DST: variants seen among roughly 807,000 people sequenced by gnomAD.
DST encodes the protein dystonin.
In DST, 253 loss-of-function variants were observed where a neutral mutation model predicts 875.2. That is an observed-to-expected ratio of 0.29 (90% CI 0.26 to 0.32). DST has a LOEUF of 0.32. Ranked by LOEUF, DST falls within the 10% of genes least tolerant of loss-of-function variation. The probability of loss-of-function intolerance (pLI) is 1.00; values close to 1 mark genes in which losing one functional copy is unlikely to be tolerated. For missense variants in DST, 8,287 were observed against 9,111.6 expected (o/e 0.91, Z 3.68); for synonymous variants, 3,124 against 3,197.1 (o/e 0.98, Z 0.77).
intron 48 of DST, among the ~76,000 whole-genome samples, chr6:56,593,245 G>T (rs2098312787): frequency 2.0e-5 from 3 of 152,172 alleles, no homozygotes; most frequent in Admixed American, 2.0e-4. Flanking sequence ...GCTGGGCACT[G>T]TGGCTCATGC....
intron 5 of DST, among the ~76,000 whole-genome samples, chr6:56,711,907 C>T (rs1364670273): frequency 1.3e-5 from 2 of 151,418 alleles, no homozygotes; most frequent in Non-Finnish European, 2.9e-5. Flanking sequence ...CCGGCTAAAA[C>T]GGTGAAACCC....
At chr6:56,896,734 T>C (rs1310901931) in intron 3 of DST, among the ~76,000 whole-genome samples, 1 of 152,256 alleles carries the variant, frequency 6.6e-6, no homozygotes, top group Non-Finnish European at 1.5e-5. Flanking sequence ...TTTTCTCCTA[T>C]GTCTGTTGGC....
rs367591205 is a variant in DST, at chr6:56,482,826, G to C, written c.21259C>G (p.Arg7087Gly). 3.1e-6 allele frequency: 5 copies of C among 1,612,368 alleles called. No individual in the cohort carries two copies. The highest frequency in any genetic ancestry group is 4.2e-6 in the Non-Finnish European group (5 of 1,179,012). ...CCTTCTATGAGTTCTCGGGCTGAGCGCTTCAGGGCCTGCACACTGCTGGTC... is the reference window on the plus strand; with the variant it reads ...CCTTCTATGAGTTCTCGGGCTGAGCCCTTCAGGGCCTGCACACTGCTGGTC... Reference protein sequence around the residue: ...KRTSSVQALKRSARELIEGSR... With the variant: ...KRTSSVQALKGSARELIEGSR... Residue 7087 changes from arginine (R) to glycine (G), a missense_variant, in exon 89 of 104, where the codon CGC (arginine) becomes GGC (glycine). Arg to Gly is a moderately radical substitution (Grantham distance 125). Transcript: ENST00000680361.
intron 22 of DST, among the ~76,000 whole-genome samples, chr6:56,637,532 T>C (rs1158131905): frequency 6.6e-6 from 1 of 152,134 alleles, no homozygotes; most frequent in Non-Finnish European, 1.5e-5. Context: ...GGGATGAGGT[T>C]TGGGGAGGGT....
chr6:56,722,299 G>A (rs1301864927), intron 5 of DST, among the ~76,000 whole-genome samples: 6 of 152,170 alleles, frequency 3.9e-5, no homozygotes, highest in East Asian at 3.8e-4. Flanking sequence ...AATTAAGAGT[G>A]GGAATGACTA....
At chr6:56,470,399 A>T in intron 95 of DST, 117 bp from the exon 96 acceptor site, 1 of 789,346 alleles carries the variant, frequency 1.3e-6, no homozygotes, top group Non-Finnish European at 1.8e-6. Context: ...AAATATATTA[A>T]AATCCTTTTT....
intron 57 of DST, among the ~76,000 whole-genome samples, 185 bp downstream of exon 57, chr6:56,561,123 T>TA (rs1020601291): frequency 6.6e-6 from 1 of 151,486 alleles, no homozygotes; most frequent in Non-Finnish European, 1.5e-5. Flanking sequence ...GCCAAAAATT[T>TA]AAAAAAAAGT....
chr6:56,577,003 T>C (rs2097878442), intron 50 of DST, among the ~76,000 whole-genome samples: 1 of 152,228 alleles, frequency 6.6e-6, no homozygotes, highest in Non-Finnish European at 1.5e-5. Context: ...AAATTCTTCA[T>C]TTTAGTAAAC....
chr6:56,770,607 T>C (rs919369487), intron 4 of DST, among the ~76,000 whole-genome samples: 7 of 152,076 alleles, frequency 4.6e-5, no homozygotes, highest in Non-Finnish European at 1.0e-4. Context: ...TGCTGCAACA[T>C]AATAAGGGTT....
intron 29 of DST, 59 bp downstream of exon 29, chr6:56,631,824 T>C (rs534069965): frequency 1.8e-5 from 27 of 1,510,498 alleles, no homozygotes; most frequent in Non-Finnish European, 2.3e-5. Flanking sequence ...GTCACAAGAG[T>C]TGATACATAA....
At chr6:56,929,498 T>A (rs1562438979) in intron 2 of DST, among the ~76,000 whole-genome samples, 2 of 152,176 alleles carry the variant, frequency 1.3e-5, no homozygotes, top group Non-Finnish European at 2.9e-5. Flanking sequence ...ATAAAATATA[T>A]TTTTATTTCC....
At position 56,609,309 on chromosome 6, in the gene DST, T is replaced by C; in HGVS notation, c.5319A>G (p.Thr1773=). 1 of 1,612,546 alleles carries C rather than the reference T, an allele frequency of 6.2e-7. No homozygotes were observed. Among genetic ancestry groups the C allele is most frequent in the South Asian group, 1.1e-5 (1 of 90,956 alleles). Residue 1773 remains threonine (T), a synonymous_variant, in exon 40 of 104, where the codon ACA becomes ACG. Transcript: ENST00000680361. The part of the protein sequence containing the change: ...DKVIAGTIDQ[T]TGEVLSVFQA... ...GAAAGACTGAAAGGACTTCTCCAGT[T>C]GTCTGATCAATGGTGCCTGCAATCA...
intron 9 of DST, among the ~76,000 whole-genome samples, chr6:56,696,362 A>G (rs1213874584): frequency 2.6e-5 from 4 of 152,050 alleles, no homozygotes; most frequent in Non-Finnish European, 5.9e-5. Flanking sequence ...AGGTTTCTCC[A>G]TGTTGGTCAG....
In DST at chr6:56,929,627, T is replaced by C. The variant is rs1329400337; in HGVS notation, c.216+24158A>G. ...TAAAGAATTCTCACTGATATACTTT[T>C]ATATGCTTTGATTTTTGAATCACGT... On this transcript the variant is annotated intron_variant, in intron 2 of 103. Transcript: ENST00000680361. 3.9e-5 allele frequency among the ~76,000 whole-genome samples: 6 copies of C among 152,316 alleles called. 1 individual carries two copies. Among genetic ancestry groups the C allele is most frequent in the Admixed American group, 2.0e-4 (3 of 15,306 alleles).
chr6:56,464,449 C>G (rs1166642565), intron 100 of DST: 2 of 538,286 alleles, frequency 3.7e-6, no homozygotes, highest in South Asian at 2.6e-5. Context: ...TCCACAAGAA[C>G]CCGGTGAGCA....
intron 48 of DST, 108 bp downstream of exon 48, chr6:56,593,554 CT>C: frequency 1.4e-6 from 1 of 737,886 alleles, no homozygotes; most frequent in Non-Finnish European, 2.0e-6. Flanking sequence ...CTAAAGCTAC[CT>C]TTTCCTCCTG....
At chr6:56,573,639 T>C in intron 51 of DST, 40 bp downstream of exon 51, 5 of 1,523,142 alleles carry the variant, frequency 3.3e-6, no homozygotes, top group Non-Finnish European at 4.5e-6. Context: ...ACTGTTTTTT[T>C]AAAAAACTGA....
rs41267673 is a variant in DST at position 56,650,989 on chromosome 6, G to A, written c.1371C>T (p.Tyr457=). Residue 457 remains tyrosine (Y), a synonymous_variant, in exon 12 of 104, where the codon TAC becomes TAT. Coordinates refer to ENST00000680361, the MANE Select transcript of DST (RefSeq NM_001374736.1). ...GAAATGCATCATAGAGAGATGACAC[G>A]TAAGTTATTACTGATTTTTCATCAG... ...SSPDEKSVIT[Y]VSSLYDAFPK... 98,920 of 1,612,046 alleles carry A rather than the reference G, an allele frequency of 0.061. 8,548 individuals carry two copies. The highest frequency in any genetic ancestry group is 0.42 in the African/African-American group (31,554 of 74,782).
intron 8 of DST, 112 bp from the exon 9 acceptor site, chr6:56,699,857 T>G: frequency 1.9e-6 from 1 of 538,230 alleles, no homozygotes; most frequent in Non-Finnish European, 3.2e-6. Flanking sequence ...ATGGAATAAT[T>G]TAAACACCAG....
Sources: allele counts gnomAD v4.1 joint callset (sites outside exome capture counted in the v4.1 genomes callset), GRCh38; gene constraint gnomAD v4.1.1; transcripts MANE v1.5; gene names NCBI Gene and HGNC (gene_info 2026-07-23, HGNC 2026-07-21).